Variants in HERC3 observed in about 807,000 individuals in gnomAD.
HERC3 encodes the protein probable E3 ubiquitin-protein ligase HERC3.
HERC3 carries 58 observed loss-of-function variants against 129.9 expected under a neutral mutation model. The observed-to-expected ratio is 0.45, with a 90% CI of 0.36 to 0.56. HERC3 has a LOEUF of 0.56. HERC3 is among the 20% of genes least tolerant of loss of function. HERC3 has a pLI of 0.00. For synonymous variants in HERC3, 430 were observed against 451.0 expected (o/e 0.95, Z 0.59); for missense variants, 835 against 1,244.2 (o/e 0.67, Z 4.95).
At chr4:88,567,192 T>G in the HERC3 span, among the ~76,000 whole-genome samples, 6 of 152,328 alleles carry the variant, frequency 3.9e-5, no homozygotes, top group African/African-American at 1.4e-4. Context: ...GTTATTTGTT[T>G]CATTTCCCTT....
At chr4:88,576,923 C>T in the HERC3 span, among the ~76,000 whole-genome samples, 3 of 152,014 alleles carry the variant, frequency 2.0e-5, no homozygotes, top group Non-Finnish European at 4.4e-5. Context: ...AAACTTTTGT[C>T]GTTATTTCTC....
the HERC3 span, chr4:88,523,904 G>C: frequency 3.6e-6 from 2 of 549,220 alleles, no homozygotes; most frequent in East Asian, 3.4e-5. Context: ...TCTATAGTCC[G>C]GAGGACAGCC....
chr4:88,658,241 T>C, intron 9 of HERC3, 174 bp from the exon 10 acceptor site: 1 of 412,720 alleles, frequency 2.4e-6, no homozygotes. Context: ...TTATTTTTAA[T>C]TGAAGTAGAA....
the HERC3 span, among the ~76,000 whole-genome samples, chr4:88,551,451 A>AC: frequency 0.05 from 7,488 of 149,638 alleles, 569 homozygotes; most frequent in African/African-American, 0.18. Context: ...AAAACAAACA[A>AC]CCCCATCAAA....
At chr4:88,665,679 C>T (rs1730971425) in intron 12 of HERC3, among the ~76,000 whole-genome samples, 1 of 152,160 alleles carries the variant, frequency 6.6e-6, no homozygotes, top group South Asian at 2.1e-4. Context: ...CTCCTAAATT[C>T]AACCATCACC....
intron 24 of HERC3, 37 bp downstream of exon 24, chr4:88,704,318 G>A: frequency 6.2e-7 from 1 of 1,600,570 alleles, no homozygotes; most frequent in Non-Finnish European, 8.6e-7. Flanking sequence ...TTTAACTCCG[G>A]CGAAGCAGCA....
At chr4:88,677,499 A>T (rs114331764) in intron 18 of HERC3, among the ~76,000 whole-genome samples, 2,433 of 151,918 alleles carry the variant, frequency 0.016, 36 homozygotes, top group Middle Eastern at 0.058. Flanking sequence ...GACTGCATCT[A>T]TCTATATATA....
the HERC3 span, among the ~76,000 whole-genome samples, chr4:88,571,147 C>T: frequency 1.3e-5 from 2 of 152,126 alleles, no homozygotes; most frequent in East Asian, 3.9e-4. Context: ...TAGTGCACTA[C>T]AACTCTGAGC....
rs1440056611 is a variant in HERC3, at chr4:88,686,870, C to T, written c.2574+68C>T. 2.7e-6 allele frequency: 3 copies of T among 1,107,050 alleles called. No individual in the cohort carries two copies. The African/African-American group carries it at 4.7e-5, about 17-fold the overall frequency. 68.6% of individuals were successfully genotyped at this position (1,107,050 alleles called of 1,614,324 possible). ...TTACCATCTTTAGAGTGATATTTAA[C>T]ATTAGTTCTTCTTCAAATCATAGAA... is the stretch of plus-strand genomic sequence containing the variant. On this transcript the variant is annotated intron_variant, in intron 22 of 25. Coordinates refer to ENST00000402738, the MANE Select transcript of HERC3 (RefSeq NM_014606.3).
chr4:88,695,948 A>G lies in HERC3; in HGVS notation c.2658-8150A>G, dbSNP rs373873390. 1.3e-4 allele frequency: 20 copies of G among 152,754 alleles called. No individual in the cohort carries two copies. In the East Asian group the frequency reaches 2.5e-3, roughly 19 times the overall value. 9.5% of individuals were successfully genotyped at this position (152,754 alleles called of 1,614,324 possible). A position where few individuals can be genotyped will look rare whatever the true frequency, so the allele number is the denominator to read the frequency against. On this transcript the variant is annotated intron_variant, in intron 23 of 25. Transcript: ENST00000402738. The stretch of plus-strand genomic sequence containing the variant: ...GAAAATACTGTTTTATTAACACCAC[A>G]GTGATAAACAACTTTAAGCTTATGT...
the HERC3 span, among the ~76,000 whole-genome samples, chr4:88,564,173 T>G: frequency 1.3e-5 from 2 of 152,328 alleles, no homozygotes; most frequent in Middle Eastern, 3.4e-3. Flanking sequence ...TTTTAATGTT[T>G]TGTTGAATTC....
intron 25 of HERC3, among the ~76,000 whole-genome samples, chr4:88,705,393 G>C (rs1735692927): frequency 6.6e-6 from 1 of 152,134 alleles, no homozygotes; most frequent in Non-Finnish European, 1.5e-5. Flanking sequence ...TATACACACA[G>C]TTGTGAAACT....
chr4:88,641,081 A>C (rs1728041358), intron 3 of HERC3, among the ~76,000 whole-genome samples: 1 of 152,210 alleles, frequency 6.6e-6, no homozygotes, highest in Non-Finnish European at 1.5e-5. Context: ...ACAAATTTTA[A>C]AGGATTGCAA....
chr4:88,652,819 T>C, intron 5 of HERC3, 50 bp from the exon 6 acceptor site: 1 of 1,545,936 alleles, frequency 6.5e-7, no homozygotes, highest in Non-Finnish European at 8.8e-7. Flanking sequence ...TATTTTTGTG[T>C]GTGGAGCTTG....
chr4:88,697,657 T>A (rs371460768), intron 23 of HERC3: 1 of 1,613,314 alleles, frequency 6.2e-7, no homozygotes, highest in South Asian at 1.1e-5. Flanking sequence ...GTCTCCACCC[T>A]GCGCACCGCC....
At chr4:88,671,938 T>TA (rs1310736519) in intron 16 of HERC3, among the ~76,000 whole-genome samples, 1 of 152,188 alleles carries the variant, frequency 6.6e-6, no homozygotes, top group East Asian at 1.9e-4. Flanking sequence ...TAGGAATTAT[T>TA]AAAAAATAAG....
chr4:88,631,982 G>A (rs555542439), intron 3 of HERC3, among the ~76,000 whole-genome samples: 2 of 152,294 alleles, frequency 1.3e-5, no homozygotes, highest in East Asian at 3.9e-4. Flanking sequence ...ACCAGAACTT[G>A]AAGTACCACT....
chr4:88,629,188 T>G (rs1726468804), intron 3 of HERC3, among the ~76,000 whole-genome samples: 1 of 152,096 alleles, frequency 6.6e-6, no homozygotes, highest in South Asian at 2.1e-4. Context: ...TTAAAATTAA[T>G]TCCACATTAC....
intron 3 of HERC3, among the ~76,000 whole-genome samples, chr4:88,637,121 G>C (rs988619224): frequency 6.7e-6 from 1 of 148,614 alleles, no homozygotes; most frequent in Admixed American, 6.7e-5. Flanking sequence ...AGAGTGAGAT[G>C]CCATCTCAAA....
Sources: gnomAD v4.1 joint callset for allele counts (sites outside exome capture counted in the v4.1 genomes callset) on GRCh38, gnomAD v4.1.1 for gene constraint, MANE v1.5 for transcripts, NCBI Gene and HGNC (gene_info 2026-07-23, HGNC 2026-07-21) for gene names.